The following FOCAD variants were observed in gnomAD, a reference collection of about 807,000 sequenced individuals.
FOCAD encodes the protein KIAA1797.
Under a neutral mutation model 225.6 loss-of-function variants are expected in FOCAD, and 198 were observed. That is an observed-to-expected ratio of 0.88 (90% CI 0.78 to 0.99). The LOEUF (loss-of-function observed/expected upper bound fraction) is 0.99. Among genes scored for constraint, FOCAD ranks in the 50% least tolerant of loss-of-function variants. The pLI is 0.00. For missense variants in FOCAD, 2,713 were observed against 2,123.6 expected (o/e 1.28, Z -5.46); for synonymous variants, 897 against 755.0 (o/e 1.19, Z -3.08).
At chr9:20,749,782 C>A (rs1391221669) in intron 5 of FOCAD, among the ~76,000 whole-genome samples, 1 of 152,180 alleles carries the variant, frequency 6.6e-6, no homozygotes, top group Non-Finnish European at 1.5e-5. Flanking sequence ...AGAGATGTAG[C>A]AAGAAGGTTG....
chr9:20,842,851 T>A (rs1008062477), intron 15 of FOCAD, among the ~76,000 whole-genome samples: 5 of 151,978 alleles, frequency 3.3e-5, no homozygotes, highest in Non-Finnish European at 7.4e-5. Flanking sequence ...TAATATATTT[T>A]AAATTTTTAC....
intron 9 of FOCAD, among the ~76,000 whole-genome samples, chr9:20,781,494 TAA>T (rs969636018): frequency 2.2e-5 from 3 of 136,632 alleles, no homozygotes; most frequent in Non-Finnish European, 3.4e-5. Flanking sequence ...CATATTAACC[TAA>T]AAGAGTATCA....
At chr9:20,671,376 A>C (rs1822059155) in intron 2 of FOCAD, among the ~76,000 whole-genome samples, 1 of 152,224 alleles carries the variant, frequency 6.6e-6, no homozygotes, top group Admixed American at 6.5e-5. Flanking sequence ...TTGTGTGGAC[A>C]ATCCTGTTAT....
intron 10 of FOCAD, chr9:20,787,020 C>T (rs1479901558): frequency 4.4e-6 from 2 of 450,112 alleles, no homozygotes; most frequent in African/African-American, 2.0e-5. Context: ...TGCCCTGGGA[C>T]TGTGCCAGTG....
chr9:20,958,186 C>A (rs1373369072), intron 35 of FOCAD, among the ~76,000 whole-genome samples: 1 of 151,948 alleles, frequency 6.6e-6, no homozygotes, highest in African/African-American at 2.4e-5. Flanking sequence ...TGTAACAGTA[C>A]TTATAAAACA....
intron 1 of FOCAD, among the ~76,000 whole-genome samples, chr9:20,688,617 G>A (rs543584328): frequency 6.6e-6 from 1 of 152,132 alleles, no homozygotes; most frequent in East Asian, 1.9e-4. Flanking sequence ...ATGCCTAAGA[G>A]AGTTTGTAGA....
chr9:20,856,670 T>G (rs1355480237), intron 15 of FOCAD, among the ~76,000 whole-genome samples: 1 of 151,876 alleles, frequency 6.6e-6, no homozygotes, highest in Non-Finnish European at 1.5e-5. Flanking sequence ...TTGTCCAGAC[T>G]TATGTCCTAG....
At chr9:20,743,377 T>A (rs1250552346) in intron 5 of FOCAD, among the ~76,000 whole-genome samples, 1 of 152,222 alleles carries the variant, frequency 6.6e-6, no homozygotes, top group Non-Finnish European at 1.5e-5. Flanking sequence ...GGGGCTTAAG[T>A]ATTTCTTACT....
At chr9:20,664,826 T>G (rs1271870265) in intron 2 of FOCAD, among the ~76,000 whole-genome samples, 1 of 152,084 alleles carries the variant, frequency 6.6e-6, no homozygotes, top group Non-Finnish European at 1.5e-5. Flanking sequence ...TTTATACATG[T>G]GTCAAAGCTT....
chr9:20,766,021 T>C (rs1325892892), intron 7 of FOCAD, among the ~76,000 whole-genome samples: 1 of 152,226 alleles, frequency 6.6e-6, no homozygotes, highest in Non-Finnish European at 1.5e-5. Flanking sequence ...AAATGAATTC[T>C]CCTGTGGCTT....
At chr9:20,991,216 T>G (rs1276578525) in intron 42 of FOCAD, among the ~76,000 whole-genome samples, 1 of 152,254 alleles carries the variant, frequency 6.6e-6, no homozygotes, top group African/African-American at 2.4e-5. Context: ...AGCATAACTG[T>G]GCTTACTGTA....
Position 20,981,550 on chromosome 9 carries a change from G to A in FOCAD, c.4502G>A (p.Gly1501Glu). Residue 1501 changes from glycine (G) to glutamate (E), a missense_variant, in exon 38 of 44, where the codon GGA becomes GAA. By Grantham distance (98) the Gly-to-Glu change is moderately conservative. Coordinates refer to ENST00000338382, the MANE Select transcript of FOCAD (RefSeq NM_001375567.1). ...VAVFKAASPL[G>E]SPELCPSALH... ...GTTTTTAAAGCAGCTTCCCCACTTG[G>A]AAGTCCTGAGCTATGCCCAAGTGCT... The A allele has an allele frequency of 6.2e-7, 1 of 1,614,030 alleles. No homozygotes were observed. Among genetic ancestry groups the A allele is most frequent in the South Asian group, 1.1e-5 (1 of 91,080 alleles).
At chr9:20,936,010 T>C (rs1038426446) in intron 28 of FOCAD, among the ~76,000 whole-genome samples, 2 of 152,246 alleles carry the variant, frequency 1.3e-5, no homozygotes, top group Non-Finnish European at 2.9e-5. Context: ...ATGAGATATT[T>C]AATGTTTCAG....
chr9:20,724,094 C>T (rs1315484009), intron 4 of FOCAD, among the ~76,000 whole-genome samples: 1 of 152,178 alleles, frequency 6.6e-6, no homozygotes, highest in East Asian at 1.9e-4. Context: ...AGGGATCTGC[C>T]TCCCGTAATT....
At chr9:20,885,332 T>C (rs1831022845) in intron 21 of FOCAD, 102 bp downstream of exon 21, 3 of 1,223,414 alleles carry the variant, frequency 2.5e-6, no homozygotes, top group African/African-American at 1.6e-5. Flanking sequence ...TCATAATTAA[T>C]GTAAGTTGCT....
chr9:20,787,854 C>T (rs1820087324), intron 10 of FOCAD, among the ~76,000 whole-genome samples: 1 of 152,108 alleles, frequency 6.6e-6, no homozygotes, highest in Non-Finnish European at 1.5e-5. Context: ...GTCATACTAT[C>T]TGTATCTTAT....
Position 20,944,674 on chromosome 9 carries a change from A to G in FOCAD, c.3455A>G (p.His1152Arg), listed in dbSNP as rs775898933. 6.2e-7 allele frequency: 1 copy of G among 1,614,164 alleles called. No individual in the cohort carries two copies. The highest frequency in any genetic ancestry group is 8.5e-7 in the Non-Finnish European group (1 of 1,179,978). Residue 1152 changes from histidine (H) to arginine (R), a missense_variant, in exon 29 of 44, where the codon CAC becomes CGC. By Grantham distance (29) the His-to-Arg change is conservative (BLOSUM62 0). Coordinates refer to ENST00000338382, the MANE Select transcript of FOCAD (RefSeq NM_001375567.1). ...GGACTTGTTCTGTCCCTCATGAGCCACAGCAGCCAAATGCAGTCCCGCGTT... is the reference window on the plus strand; with the variant it reads ...GGACTTGTTCTGTCCCTCATGAGCCGCAGCAGCCAAATGCAGTCCCGCGTT... The part of the protein sequence containing the change: ...GVGLVLSLMS[H>R]SSQMQSRVHV...
intron 6 of FOCAD, among the ~76,000 whole-genome samples, chr9:20,763,128 A>G (rs1321670052): frequency 1.3e-5 from 2 of 152,232 alleles, no homozygotes; most frequent in Non-Finnish European, 2.9e-5. Context: ...ATTAGAAAAT[A>G]AAGTCATGAC....
In FOCAD at chr9:20,929,348, C is replaced by T; in HGVS notation, c.3079-10C>T. 1.2e-6 allele frequency: 2 copies of T among 1,608,508 alleles called. No individual in the cohort carries two copies. Among genetic ancestry groups the T allele is most frequent in the Non-Finnish European group, 1.7e-6 (2 of 1,175,368 alleles). On this transcript the variant is annotated splice_polypyrimidine_tract_variant and intron_variant, in intron 26 of 43. Coordinates refer to ENST00000338382, the MANE Select transcript of FOCAD (RefSeq NM_001375567.1). Reference sequence around the variant, plus strand: ...GGCTAACCCTGTTTTCTTTCTTTGGCATGTCCTAGAAGTCCTATTCTGGTG... The same window carrying T: ...GGCTAACCCTGTTTTCTTTCTTTGGTATGTCCTAGAAGTCCTATTCTGGTG...
Sources: allele counts gnomAD v4.1 joint callset (sites outside exome capture counted in the v4.1 genomes callset), GRCh38; gene constraint gnomAD v4.1.1; transcripts MANE v1.5; gene names NCBI Gene and HGNC (gene_info 2026-07-23, HGNC 2026-07-21).